Variants in MINDY2 observed in about 807,000 individuals in gnomAD.
MINDY2 encodes MINDY lysine 48 deubiquitinase 2.
A neutral mutation model predicts 68.2 loss-of-function variants in MINDY2; 52 were observed. That is an observed-to-expected ratio of 0.76 (90% CI 0.61 to 0.96). MINDY2 has a LOEUF of 0.96. Among genes scored for constraint, MINDY2 ranks in the 40% least tolerant of loss-of-function variants. The pLI, the probability that MINDY2 is intolerant of heterozygous loss-of-function variation, is 0.00. For missense variants in MINDY2, 881 were observed against 773.4 expected (o/e 1.14, Z -1.65); for synonymous variants, 372 against 303.0 (o/e 1.23, Z -2.36).
intron 3 of MINDY2, among the ~76,000 whole-genome samples, chr15:58,803,752 GTTGCAGTGAGCCGAGA>G (rs1902827982): frequency 6.6e-6 from 1 of 151,936 alleles, no homozygotes; most frequent in Non-Finnish European, 1.5e-5. Context: ...GGAGGCGGAG[GTTGCAGTGAGCCGAGA>G]TTGCGTCACT....
intron 6 of MINDY2, among the ~76,000 whole-genome samples, chr15:58,837,695 C>G (rs913049841): frequency 6.6e-5 from 10 of 151,768 alleles, no homozygotes; most frequent in African/African-American, 2.4e-4. Context: ...AATGACCAGC[C>G]AGGCTTACAC....
chr15:58,794,311 A>G (rs1232698646), intron 2 of MINDY2, among the ~76,000 whole-genome samples: 1 of 151,740 alleles, frequency 6.6e-6, no homozygotes, highest in Non-Finnish European at 1.5e-5. Flanking sequence ...CTGTATTACC[A>G]TGGGAAATGA....
At chr15:58,797,121 G>C (rs374770976) in intron 2 of MINDY2, among the ~76,000 whole-genome samples, 1 of 152,092 alleles carries the variant, frequency 6.6e-6, no homozygotes, top group Non-Finnish European at 1.5e-5. Flanking sequence ...ATATACACTG[G>C]ATTTCAAAGA....
At position 58,771,501 on chromosome 15, in the gene MINDY2, G is replaced by A; in HGVS notation, c.106G>A (p.Ala36Thr). The change falls in exon 1 of 9, where the codon GCC becomes ACC. Residue 36 changes from alanine (A) to threonine (T), a missense_variant. Ala to Thr is a moderately conservative substitution (Grantham distance 58). Coordinates refer to ENST00000559228, the MANE Select transcript of MINDY2 (RefSeq NM_001040450.3). ...GGAAGGGCTACAGGAGACCAGGCTC[G>A]CCGCTGGTGATGGTCCTGGGGTATG... ...SQEGLQETRL[A>T]AGDGPGVWAA... The A allele has an allele frequency of 6.2e-7, 1 of 1,612,018 alleles. No individual in the cohort carries two copies. Among genetic ancestry groups the A allele is most frequent in the Non-Finnish European group, 8.5e-7 (1 of 1,179,728 alleles).
At position 58,858,659 on chromosome 15, in the gene MINDY2, A is replaced by G. The variant is rs1239004052; in HGVS notation, c.*4049A>G. 1 of 152,166 alleles carries G rather than the reference A, an allele frequency of 6.6e-6. No individual in the cohort carries two copies. Among genetic ancestry groups the G allele is most frequent in the Non-Finnish European group, 1.5e-5 (1 of 67,978 alleles). The allele number at this position is 152,166 out of a possible 1,614,324, so 9.4% of individuals were successfully genotyped here. A position where few individuals can be genotyped will look rare whatever the true frequency, so the allele number is the denominator to read the frequency against. Reference sequence around the variant, plus strand: ...GTTAAAAAGCAAAAGCGAATTGATTACATTTGATTAACTTTTCCTATTCCA... The same window carrying G: ...GTTAAAAAGCAAAAGCGAATTGATTGCATTTGATTAACTTTTCCTATTCCA... On this transcript the variant is annotated 3_prime_UTR_variant, in exon 9 of 9. Transcript: ENST00000559228.
intron 2 of MINDY2, among the ~76,000 whole-genome samples, chr15:58,799,701 G>A (rs984217212): frequency 6.6e-6 from 1 of 152,170 alleles, no homozygotes; most frequent in Non-Finnish European, 1.5e-5. Context: ...GGTTAGAGGA[G>A]AAGAAGTGAA....
chr15:58,800,907 A>T (rs1469467869), intron 2 of MINDY2, among the ~76,000 whole-genome samples: 1 of 152,154 alleles, frequency 6.6e-6, no homozygotes, highest in African/African-American at 2.4e-5. Context: ...TCTCACAAAA[A>T]ATCAGTTAAC....
At chr15:58,774,643 G>A (rs906417501) in intron 1 of MINDY2, among the ~76,000 whole-genome samples, 4 of 152,034 alleles carry the variant, frequency 2.6e-5, no homozygotes, top group African/African-American at 7.2e-5. Context: ...CAGAGAAAAC[G>A]GTAATTGGGG....
intron 8 of MINDY2, among the ~76,000 whole-genome samples, chr15:58,852,922 GTTTTTTTTTTTTTTTTTT>G (rs746154698): frequency 6.1e-5 from 3 of 48,968 alleles, no homozygotes; most frequent in African/African-American, 2.3e-4. Context: ...TGCTGTTCCT[GTTTTTTTTTTTTTTTTTT>G]TTTTTTTTTT....
intron 1 of MINDY2, among the ~76,000 whole-genome samples, chr15:58,787,083 G>A (rs1567041474): frequency 6.6e-6 from 1 of 150,904 alleles, no homozygotes; most frequent in African/African-American, 2.4e-5. Flanking sequence ...GCCTGCGTTG[G>A]CCTTCCAAAG....
intron 2 of MINDY2, among the ~76,000 whole-genome samples, chr15:58,790,541 G>C (rs1197628872): frequency 6.6e-6 from 1 of 151,988 alleles, no homozygotes. Flanking sequence ...ATCTAACTTT[G>C]GATTTAATAA....
chr15:58,853,678 G>T (rs1463044920), intron 8 of MINDY2, among the ~76,000 whole-genome samples: 1 of 151,702 alleles, frequency 6.6e-6, no homozygotes, highest in African/African-American at 2.4e-5. Flanking sequence ...AAATTAGCTG[G>T]GTGTGGTGGC....
chr15:58,801,730 C>T (rs781234468), intron 2 of MINDY2, among the ~76,000 whole-genome samples: 11 of 152,158 alleles, frequency 7.2e-5, no homozygotes, highest in Non-Finnish European at 1.5e-4. Context: ...GCCTCCACCT[C>T]CCAGGTTCAA....
intron 1 of MINDY2, among the ~76,000 whole-genome samples, chr15:58,781,917 A>G (rs554888418): frequency 2.0e-5 from 3 of 152,270 alleles, no homozygotes; most frequent in East Asian, 3.9e-4. Flanking sequence ...AGAAAAAAAA[A>G]AGAAAGAAAT....
At chr15:58,807,795 C>T (rs563778223) in intron 3 of MINDY2, among the ~76,000 whole-genome samples, 1 of 152,302 alleles carries the variant, frequency 6.6e-6, no homozygotes, top group South Asian at 2.1e-4. Flanking sequence ...TTATCTCCTA[C>T]AACTTTTCAC....
chr15:58,823,857 GA>G (rs1288553201), intron 5 of MINDY2, among the ~76,000 whole-genome samples: 14 of 152,040 alleles, frequency 9.2e-5, no homozygotes, highest in Non-Finnish European at 2.1e-4. Context: ...AATGTATGGG[GA>G]AAAAAATTCC....
rs759541005 is a variant in MINDY2 at position 58,771,339 on chromosome 15, C to T, written c.-57C>T. On this transcript the variant is annotated 5_prime_UTR_variant, in exon 1 of 9. Coordinates refer to ENST00000559228, the MANE Select transcript of MINDY2 (RefSeq NM_001040450.3). ...AATACAGCTGTCATGGCGTCCAAGG[C>T]GCTGGCTGCGGAGAAGTGGCCGCGG... The T allele has an allele frequency of 9.3e-5, 144 of 1,552,590 alleles. No homozygotes were observed. The highest frequency in any genetic ancestry group is 8.2e-5 in the Non-Finnish European group (95 of 1,151,874).
chr15:58,826,522 C>G (rs997211349), intron 5 of MINDY2, among the ~76,000 whole-genome samples: 4 of 152,104 alleles, frequency 2.6e-5, no homozygotes. Flanking sequence ...AGCCACTGCA[C>G]CTGGCCCCAC....
intron 2 of MINDY2, chr15:58,796,259 A>G (rs1342763052): frequency 2.6e-6 from 1 of 382,558 alleles, no homozygotes; most frequent in Non-Finnish European, 5.3e-6. Context: ...AGAATAGGAA[A>G]GGTTGTTTGA....
Sources: allele counts gnomAD v4.1 joint callset (sites outside exome capture counted in the v4.1 genomes callset), GRCh38; gene constraint gnomAD v4.1.1; transcripts MANE v1.5; gene names NCBI Gene and HGNC (gene_info 2026-07-23, HGNC 2026-07-21).